The following PIGR variants were observed in gnomAD, a reference collection of about 807,000 sequenced individuals.
PIGR encodes polymeric immunoglobulin receptor, also known as hepatocellular carcinoma associated protein TB6.
Under a neutral mutation model 69.5 loss-of-function variants are expected in PIGR, and 22 were observed. That is an observed-to-expected ratio of 0.32 (90% confidence interval 0.23 to 0.45). The LOEUF (loss-of-function observed/expected upper bound fraction) is 0.45, where lower values mean the gene tolerates loss of function less well. Among genes scored for constraint, PIGR ranks in the 20% least tolerant of loss-of-function variants. The pLI, the probability that PIGR is intolerant of heterozygous loss-of-function variation, is 1.00. For missense variants in PIGR, 885 were observed against 974.0 expected (o/e 0.91, Z 1.22); for synonymous variants, 413 against 407.6 (o/e 1.01, Z -0.16).
Position 206,939,112 on chromosome 1 carries a change from T to A in PIGR, c.388+7A>T. The A allele has an allele frequency of 6.3e-7, 1 of 1,599,992 alleles. No homozygotes were observed. The highest frequency in any genetic ancestry group is 1.1e-5 in the South Asian group (1 of 89,960). ...CCCCCAGAAGCCCAAGGAGCTTGGA[T>A]CCTTACCCTGGCTGACCTCCAGGCT... On this transcript the variant is annotated splice_region_variant and intron_variant, in intron 3 of 10. Coordinates refer to ENST00000356495, the MANE Select transcript of PIGR (RefSeq NM_002644.4).
In PIGR at chr1:206,931,315, C is replaced by T. The variant is rs539793645; in HGVS notation, c.2199+182G>A. 267 of 1,474,920 alleles carry T rather than the reference C, an allele frequency of 1.8e-4. No individual in the cohort carries two copies. In the African/African-American group the frequency reaches 3.4e-3, roughly 19 times the overall value. 91.4% of individuals were successfully genotyped at this position (1,474,920 alleles called of 1,614,324 possible). A position where few individuals can be genotyped will look rare whatever the true frequency, so the allele number is the denominator to read the frequency against. ...TCCTGGGCCTTATCCACATCAGCAT[C>T]CCACAACCAGTAAGATATAGTTCTT... On this transcript the variant is annotated intron_variant, in intron 10 of 10. Coordinates refer to ENST00000356495, the MANE Select transcript of PIGR (RefSeq NM_002644.4).
intron 3 of PIGR, among the ~76,000 whole-genome samples, chr1:206,938,030 T>C (rs1324279523): frequency 6.6e-6 from 1 of 152,256 alleles, no homozygotes; most frequent in African/African-American, 2.4e-5. Flanking sequence ...ATGTTCTCCA[T>C]GGACTGGAAG....
chr1:206,931,931 T>C, intron 8 of PIGR, 129 bp from the exon 9 acceptor site: 1 of 984,920 alleles, frequency 1.0e-6, no homozygotes, highest in East Asian at 2.4e-5. Flanking sequence ...GCTCTGACTA[T>C]GACCCAGGGG....
chr1:206,933,128 G>A lies in PIGR; in HGVS notation c.1744C>T (p.Pro582Ser). The change falls in exon 7 of 11, where the codon CCT becomes TCT. Residue 582 changes from proline (P) to serine (S), a missense_variant. Pro to Ser is a moderately conservative substitution (Grantham distance 74). Transcript: ENST00000356495. Reference sequence around the variant, plus strand: ...CCAGAGTCTAGCACCTTCTCATCAGGAGCAGCGTCTGCCTTCGCTAGGCTG... The same window carrying A: ...CCAGAGTCTAGCACCTTCTCATCAGAAGCAGCGTCTGCCTTCGCTAGGCTG... ...DVSLAKADAA[P>S]DEKVLDSGFR... 2 of 1,614,112 alleles carry A rather than the reference G, an allele frequency of 1.2e-6. No individual in the cohort carries two copies. The highest frequency in any genetic ancestry group is 1.7e-5 in the Admixed American group (1 of 60,018).
chr1:206,930,257 C>T lies in PIGR; in HGVS notation c.*61G>A, dbSNP rs113914118. 1 of 1,468,380 alleles carries T rather than the reference C, an allele frequency of 6.8e-7. No homozygotes were observed. Among genetic ancestry groups the T allele is most frequent in the Non-Finnish European group, 9.3e-7 (1 of 1,080,660 alleles). 91.0% of individuals were successfully genotyped at this position (1,468,380 alleles called of 1,614,324 possible). A position where few individuals can be genotyped will look rare whatever the true frequency, so the allele number is the denominator to read the frequency against. The stretch of plus-strand genomic sequence containing the variant: ...TGGGGTCCCCAGGAGCTGAGGGCCC[C>T]AGGATCGACATGATTCTGAAGGTGA... On this transcript the variant is annotated 3_prime_UTR_variant, in exon 11 of 11. Transcript: ENST00000356495. The surrounding 1 kb of genome is among the most constrained non-coding windows in gnomAD (Gnocchi z 4.3).
chr1:206,939,369 A>G lies in PIGR; in HGVS notation c.138T>C (p.Ser46=), dbSNP rs1382631729. The change falls in exon 3 of 11, where the codon TCT becomes TCC. Residue 46 remains serine (S), a synonymous_variant. Coordinates refer to ENST00000356495, the MANE Select transcript of PIGR (RefSeq NM_002644.4). ...VSITCYYPPT[S]VNRHTRKYWC... ...AGTACTTCCGGGTGTGCCGGTTGACAGAGGTGGGTGGGTAGTAGCACGTGA... is the reference window on the plus strand; with the variant it reads ...AGTACTTCCGGGTGTGCCGGTTGACGGAGGTGGGTGGGTAGTAGCACGTGA... 6.2e-7 allele frequency: 1 copy of G among 1,614,108 alleles called. No homozygotes were observed. The highest frequency in any genetic ancestry group is 1.3e-5 in the African/African-American group (1 of 74,942).
intron 7 of PIGR, 116 bp from the exon 8 acceptor site, chr1:206,932,693 G>T: frequency 8.1e-7 from 1 of 1,233,096 alleles, no homozygotes. Context: ...CCACCCTGCT[G>T]ATGCAGCTCC....
In PIGR at chr1:206,939,291, G is replaced by A. The variant is rs2839944; in HGVS notation, c.216C>T (p.Gly72=). 1.2e-6 allele frequency: 2 copies of A among 1,614,212 alleles called. No homozygotes were observed. Among genetic ancestry groups the A allele is most frequent in the African/African-American group, 2.7e-5 (2 of 75,044 alleles). The part of the protein sequence containing the change: ...GGCITLISSE[G]YVSSKYAGRA... Reference sequence around the variant, plus strand: ...TGCCTGCATATTTGCTGGAGACGTAGCCCTCCGAGGAGATGAGGGTTATGC... The same window carrying A: ...TGCCTGCATATTTGCTGGAGACGTAACCCTCCGAGGAGATGAGGGTTATGC... The change falls in exon 3 of 11, where the codon GGC becomes GGT. Residue 72 remains glycine (G), a synonymous_variant. Transcript: ENST00000356495.
Position 206,935,865 on chromosome 1 carries a change from G to A in PIGR, c.1046-47C>T. On this transcript the variant is annotated intron_variant, in intron 4 of 10. Coordinates refer to ENST00000356495, the MANE Select transcript of PIGR (RefSeq NM_002644.4). This position sits in a 1 kb window ranked among gnomAD's most constrained non-coding sequence, Gnocchi z 4.4. Reference sequence around the variant, plus strand: ...GGATGGGAGGATGGCCACGCAGGAAGAGCCTTGCGTGGCCTGAGAAGCCTT... The same window carrying A: ...GGATGGGAGGATGGCCACGCAGGAAAAGCCTTGCGTGGCCTGAGAAGCCTT... The A allele has an allele frequency of 1.4e-6, 2 of 1,449,376 alleles. No homozygotes were observed. The highest frequency in any genetic ancestry group is 1.9e-6 in the Non-Finnish European group (2 of 1,061,386). 89.8% of individuals were successfully genotyped at this position (1,449,376 alleles called of 1,614,324 possible).
At chr1:206,944,184 G>A (rs180929801) in intron 1 of PIGR, among the ~76,000 whole-genome samples, 2 of 152,328 alleles carry the variant, frequency 1.3e-5, no homozygotes, top group Admixed American at 6.5e-5. Flanking sequence ...CTTATAAGGA[G>A]ACACCTGGGG....
At chr1:206,940,356 C>G (rs1189623408) in intron 2 of PIGR, 133 bp downstream of exon 2, 3 of 793,722 alleles carry the variant, frequency 3.8e-6, no homozygotes, top group Admixed American at 5.8e-5. Context: ...ATGACTCTTC[C>G]TCAAGGAAGT....
At position 206,928,974 on chromosome 1, in the gene PIGR, A is replaced by T. The variant is rs774721520; in HGVS notation, c.*1344T>A. Reference sequence around the variant, plus strand: ...GGGCCAGGCTCAGTGGCTCATGCCTATATAATCCCAGTACTTTGAGAAGCT... The same window carrying T: ...GGGCCAGGCTCAGTGGCTCATGCCTTTATAATCCCAGTACTTTGAGAAGCT... On this transcript the variant is annotated 3_prime_UTR_variant, in exon 11 of 11. Transcript: ENST00000356495. 2.0e-5 allele frequency: 3 copies of T among 150,760 alleles called. No homozygotes were observed. Among genetic ancestry groups the T allele is most frequent in the Non-Finnish European group, 4.4e-5 (3 of 67,980 alleles). The allele number at this position is 150,760 out of a possible 1,614,324, so 9.3% of individuals were successfully genotyped here.
intron 5 of PIGR, 111 bp from the exon 6 acceptor site, chr1:206,934,857 A>ATTTT: frequency 1.6e-6 from 1 of 622,326 alleles, no homozygotes; most frequent in Admixed American, 3.7e-5. Context: ...ATATATATAT[A>ATTTT]TATTTTTGTT....
chr1:206,945,775 C>A (rs1680094696), intron 1 of PIGR, among the ~76,000 whole-genome samples: 2 of 152,218 alleles, frequency 1.3e-5, no homozygotes, highest in South Asian at 4.1e-4. Flanking sequence ...ACTTTATGCG[C>A]ACTATCTAAT....
At position 206,931,691 on chromosome 1, in the gene PIGR, G is replaced by A; in HGVS notation, c.2120C>T (p.Thr707Ile). The A allele has an allele frequency of 6.2e-7, 1 of 1,614,170 alleles. No individual in the cohort carries two copies. The highest frequency in any genetic ancestry group is 1.1e-5 in the South Asian group (1 of 91,084). The change falls in exon 9 of 11, where the codon ACA (threonine) becomes ATA (isoleucine). Residue 707 changes from threonine to isoleucine, a missense_variant. By Grantham distance (89) the Thr-to-Ile change is moderately conservative (BLOSUM62 -1). Transcript: ENST00000356495. The stretch of plus-strand genomic sequence containing the variant: ...CATACCTTCTTTTCCTCCGAGGGAT[G>A]TCTCCTGAGTGATCGAAGAGGCTCC... The part of the protein sequence containing the change: ...NMGASSITQE[T>I]SLGGKEEFVA...
intron 6 of PIGR, 145 bp from the exon 7 acceptor site, chr1:206,933,311 T>A (rs1221660733): frequency 5.6e-6 from 4 of 717,436 alleles, no homozygotes; most frequent in Non-Finnish European, 6.8e-6. Flanking sequence ...CAGGATGACA[T>A]TAGAAACAGC....
In PIGR at chr1:206,939,439, A is replaced by G; in HGVS notation, c.68T>C (p.Phe23Ser). 3 of 1,603,642 alleles carry G rather than the reference A, an allele frequency of 1.9e-6. No individual in the cohort carries two copies. Among genetic ancestry groups the G allele is most frequent in the Non-Finnish European group, 2.6e-6 (3 of 1,171,480 alleles). The change falls in exon 3 of 11, where the codon TTT (phenylalanine) becomes TCT (serine). Residue 23 changes from phenylalanine (F) to serine (S), a missense_variant. Physicochemically the swap from Phe to Ser is radical, Grantham distance 155. Transcript: ENST00000356495. ...FPAISTKSPI[F>S]GPEEVNSVEG... The stretch of plus-strand genomic sequence containing the variant: ...CACACTATTCACCTCCTCGGGACCA[A>G]ATATGGGACTCTTCGTGGAGATGGC...
intron 8 of PIGR, 34 bp downstream of exon 8, chr1:206,932,422 G>A (rs369421393): frequency 6.3e-7 from 1 of 1,589,012 alleles, no homozygotes; most frequent in Non-Finnish European, 8.6e-7. Context: ...GCTCGGGTTG[G>A]AGGTGGGAGG....
In PIGR at chr1:206,934,551, C is replaced by T. The variant is rs151228211; in HGVS notation, c.1574G>A (p.Arg525Gln). The change falls in exon 6 of 11, where the codon CGG becomes CAG. Residue 525 changes from arginine to glutamine, a missense_variant. Arg to Gln is a conservative substitution (Grantham distance 43). Transcript: ENST00000356495. ...KAFVNCDENS[R>Q]LVSLTLNLVT... The stretch of plus-strand genomic sequence containing the variant: ...CAGGTTCAGGGTCAGGGAGACAAGC[C>T]GGCTGTTCTCGTCACAGTTCACGAA... 52 of 1,614,144 alleles carry T rather than the reference C, an allele frequency of 3.2e-5. 1 individual carries two copies. The African/African-American group carries it at 3.5e-4, about 11-fold the overall frequency.
Sources: allele counts gnomAD v4.1 joint callset (sites outside exome capture counted in the v4.1 genomes callset), GRCh38; gene constraint gnomAD v4.1.1; non-coding constraint Gnocchi (gnomAD v3.1); transcripts MANE v1.5; gene names NCBI Gene and HGNC (gene_info 2026-07-23, HGNC 2026-07-21).